Variants in PLEKHH2 observed in about 807,000 individuals in gnomAD.
The protein encoded by PLEKHH2 is pleckstrin homology domain-containing family H member 2.
In PLEKHH2, 129 loss-of-function variants were observed where a neutral mutation model predicts 187.9. The observed-to-expected ratio is 0.69, with a 90% CI of 0.59 to 0.79. The LOEUF (loss-of-function observed/expected upper bound fraction) is 0.79. Ranked by LOEUF, PLEKHH2 falls within the 30% of genes least tolerant of loss-of-function variation. PLEKHH2 has a pLI of 0.00. For missense variants in PLEKHH2, 2,076 were observed against 1,751.2 expected, an observed-to-expected ratio of 1.19 and a Z score of -3.31; for synonymous variants, 686 against 605.6, an observed-to-expected ratio of 1.13 and a Z score of -1.95.
intron 2 of PLEKHH2, among the ~76,000 whole-genome samples, chr2:43,678,032 A>T (rs536706978): frequency 6.8e-6 from 1 of 148,082 alleles, no homozygotes; most frequent in African/African-American, 2.5e-5. Flanking sequence ...CACTTCTCAG[A>T]CGAGGCGGCC....
intron 3 of PLEKHH2, among the ~76,000 whole-genome samples, chr2:43,684,803 C>G (rs1308057568): frequency 6.9e-6 from 1 of 145,068 alleles, no homozygotes; most frequent in Non-Finnish European, 1.5e-5. Context: ...TTTAGACATA[C>G]TGCTACTCCC....
At chr2:43,700,688 T>C in intron 8 of PLEKHH2, 80 bp downstream of exon 8, 1 of 1,492,734 alleles carries the variant, frequency 6.7e-7, no homozygotes. Flanking sequence ...AGTCTCGCTC[T>C]GTCGCCCAAG....
At chr2:43,673,700 G>T (rs933907160) in intron 2 of PLEKHH2, among the ~76,000 whole-genome samples, 5 of 152,170 alleles carry the variant, frequency 3.3e-5, no homozygotes, top group African/African-American at 1.2e-4. Context: ...GTTTATAAAT[G>T]CTGTGAAATA....
Position 43,700,444 on chromosome 2 carries a change from A to T in PLEKHH2, c.1486A>T (p.Ser496Cys). Residue 496 changes from serine to cysteine, a missense_variant, in exon 8 of 30, where the codon AGT becomes TGT. Transcript: ENST00000282406. Reference protein sequence around the residue: ...ETDLDLVDGDSTEVLENMDTS... With the variant: ...ETDLDLVDGDCTEVLENMDTS... The stretch of plus-strand genomic sequence containing the variant: ...TGATCTTGATCTAGTTGATGGAGAC[A>T]GTACAGAAGTTTTAGAGAATATGGA... The T allele has an allele frequency of 1.2e-6, 2 of 1,614,130 alleles. No individual in the cohort carries two copies. Among genetic ancestry groups the T allele is most frequent in the Non-Finnish European group, 1.7e-6 (2 of 1,180,008 alleles).
chr2:43,703,872 T>G (rs901598712), intron 8 of PLEKHH2, 109 bp from the exon 9 acceptor site: 28 of 720,100 alleles, frequency 3.9e-5, no homozygotes, highest in Middle Eastern at 2.8e-4. Flanking sequence ...CTCTAGTGAA[T>G]CTTAAATGAA....
At chr2:43,696,887 G>GT (rs1669119815) in intron 6 of PLEKHH2, among the ~76,000 whole-genome samples, 1 of 152,092 alleles carries the variant, frequency 6.6e-6, no homozygotes, top group Admixed American at 6.5e-5. Context: ...ATCTGTTTGT[G>GT]TTTTGTCGTT....
chr2:43,723,016 A>G (rs1474666366), intron 16 of PLEKHH2, among the ~76,000 whole-genome samples: 1 of 152,168 alleles, frequency 6.6e-6, no homozygotes, highest in Non-Finnish European at 1.5e-5. Context: ...AATATTTGAA[A>G]CCACTAGGTC....
intron 5 of PLEKHH2, 58 bp from the exon 6 acceptor site, chr2:43,695,085 T>C (rs1669021471): frequency 1.2e-6 from 1 of 859,890 alleles, no homozygotes; most frequent in African/African-American, 1.7e-5. Flanking sequence ...TTATAATTTA[T>C]TAGTACATTT....
chr2:43,690,929 A>G (rs1296579572), intron 3 of PLEKHH2, among the ~76,000 whole-genome samples: 3 of 152,242 alleles, frequency 2.0e-5, no homozygotes, highest in Admixed American at 2.0e-4. Context: ...AGGAAAATCT[A>G]AACTTTACTA....
chr2:43,754,990 A>G (rs1426918894), intron 25 of PLEKHH2, among the ~76,000 whole-genome samples: 3 of 148,920 alleles, frequency 2.0e-5, no homozygotes, highest in South Asian at 2.1e-4. Context: ...CTCCTGCCTC[A>G]GCCTCCCTAG....
chr2:43,649,742 TAAC>T (rs1303395288), intron 2 of PLEKHH2, among the ~76,000 whole-genome samples: 2 of 152,236 alleles, frequency 1.3e-5, no homozygotes, highest in East Asian at 1.9e-4. Flanking sequence ...TTATTTATTA[TAAC>T]AACATCAAAT....
At chr2:43,648,996 A>G (rs1434683614) in intron 2 of PLEKHH2, among the ~76,000 whole-genome samples, 1 of 152,174 alleles carries the variant, frequency 6.6e-6, no homozygotes, top group Non-Finnish European at 1.5e-5. Context: ...TATGCCCTAT[A>G]TTTTTGGAGA....
intron 2 of PLEKHH2, among the ~76,000 whole-genome samples, chr2:43,671,411 G>A (rs993793212): frequency 6.6e-6 from 1 of 152,142 alleles, no homozygotes; most frequent in Non-Finnish European, 1.5e-5. Flanking sequence ...AGATACTCAT[G>A]TCATCTGTGA....
intron 20 of PLEKHH2, among the ~76,000 whole-genome samples, chr2:43,740,067 A>G (rs79356037): frequency 0.016 from 2,454 of 152,286 alleles, 69 homozygotes; most frequent in African/African-American, 0.056. Context: ...TTTTTAATAT[A>G]ACGTTTTAAA....
Position 43,743,893 on chromosome 2 carries a change from C to G in PLEKHH2, c.3459C>G (p.Asp1153Glu), listed in dbSNP as rs749045805. ...VEEFLNTLNQ[D>E]TGMRKPAQSG... is the part of the protein sequence containing the mutation. ...AATTTTTGAATACTTTGAACCAGGA[C>G]ACAGGAATGAGGAAACCAGCGCAGT... is the stretch of plus-strand genomic sequence containing the variant. Residue 1153 changes from aspartate (D) to glutamate (E), a missense_variant, in exon 23 of 30, where the codon GAC (aspartate) becomes GAG (glutamate). Transcript: ENST00000282406. The G allele has an allele frequency of 6.2e-7, 1 of 1,614,016 alleles. No individual in the cohort carries two copies. Among genetic ancestry groups the G allele is most frequent in the African/African-American group, 1.3e-5 (1 of 75,020 alleles).
chr2:43,729,147 C>T (rs1670916512), intron 17 of PLEKHH2, among the ~76,000 whole-genome samples: 1 of 152,094 alleles, frequency 6.6e-6, no homozygotes, highest in Non-Finnish European at 1.5e-5. Context: ...CCTCTACTTT[C>T]AGAATAATTC....
rs776979212 is a variant in PLEKHH2, at chr2:43,767,802, G to T, written c.*2204G>T. On this transcript the variant is annotated 3_prime_UTR_variant, in exon 30 of 30. Transcript: ENST00000282406. ...GCAGAGATAAAATATTTTGATGGAA[G>T]GAAATCAATTTTCTGTAACTGATGA... 6.6e-6 allele frequency: 1 copy of T among 152,642 alleles called. No homozygotes were observed. The highest frequency in any genetic ancestry group is 2.4e-5 in the African/African-American group (1 of 41,400). 9.5% of individuals were successfully genotyped at this position (152,642 alleles called of 1,614,324 possible).
Position 43,644,677 on chromosome 2 carries a change from G to C in PLEKHH2, c.4G>C (p.Ala2Pro). 1 of 1,576,634 alleles carries C rather than the reference G, an allele frequency of 6.3e-7. No homozygotes were observed. Among genetic ancestry groups the C allele is most frequent in the Non-Finnish European group, 8.6e-7 (1 of 1,159,968 alleles). ...ATTTATTTAATTTTTTTAGAATATG[G>C]CAGAGCTTTCTGAGCCAGAGGGACC... Reference protein sequence around the residue: MAELSEPEGPVD... With the variant: MPELSEPEGPVD... Residue 2 changes from alanine (A) to proline (P), a missense_variant, in exon 2 of 30, where the codon GCA becomes CCA. Physicochemically the swap from Ala to Pro is conservative, Grantham distance 27 (BLOSUM62 -1). Coordinates refer to ENST00000282406, the MANE Select transcript of PLEKHH2 (RefSeq NM_172069.4).
intron 8 of PLEKHH2, among the ~76,000 whole-genome samples, chr2:43,702,366 A>C (rs569421151): frequency 3.3e-5 from 5 of 152,290 alleles, no homozygotes; most frequent in African/African-American, 1.2e-4. Flanking sequence ...TTTGGATAGC[A>C]CAGGAAAGTG....
Sources: allele counts gnomAD v4.1 joint callset (sites outside exome capture counted in the v4.1 genomes callset), GRCh38; gene constraint gnomAD v4.1.1; transcripts MANE v1.5; gene names NCBI Gene and HGNC (gene_info 2026-07-23, HGNC 2026-07-21).